Variants in RNF216 observed in about 807,000 individuals in gnomAD.
RNF216 encodes ring finger protein 216.
In RNF216, 72 loss-of-function variants were observed where a neutral mutation model predicts 110.8. The ratio of observed to expected loss-of-function variants is 0.65; its 90% CI spans 0.54 to 0.79. RNF216 has a LOEUF of 0.79. Ranked by LOEUF, RNF216 falls within the 30% of genes least tolerant of loss-of-function variation. The probability of loss-of-function intolerance (pLI) is 0.00; values close to 1 mark genes in which losing one functional copy is unlikely to be tolerated. For missense variants in RNF216, 1,342 were observed against 1,141.2 expected, an observed-to-expected ratio of 1.18 and a Z score of -2.54; for synonymous variants, 495 against 407.5, an observed-to-expected ratio of 1.21 and a Z score of -2.59.
intron 3 of RNF216, among the ~76,000 whole-genome samples, chr7:5,748,829 G>A (rs1189148821): frequency 6.6e-6 from 1 of 152,040 alleles, no homozygotes; most frequent in African/African-American, 2.4e-5. Context: ...ACTGCACAGG[G>A]GTTGGCACCC....
At chr7:5,700,438 T>C (rs570190309) in intron 13 of RNF216, among the ~76,000 whole-genome samples, 8 of 152,328 alleles carry the variant, frequency 5.3e-5, no homozygotes, top group South Asian at 4.1e-4. Flanking sequence ...ATTTCTAACA[T>C]GCATCTCTCC....
In RNF216 at chr7:5,623,073, C is replaced by T; in HGVS notation, c.2559G>A (p.Gln853=). 6.2e-7 allele frequency: 1 copy of T among 1,612,812 alleles called. No homozygotes were observed. The highest frequency in any genetic ancestry group is 1.3e-5 in the African/African-American group (1 of 75,040). ...GGTGCGCGAAGGCATAGGGTGGCAT[C>T]TGTGGCTGTGGCAGGTTCTGCGGAA... ...RPVPQNLPQP[Q]MPPYAFAHPP... The change falls in exon 17 of 17, where the codon CAG becomes CAA. Residue 853 remains glutamine (Q), a synonymous_variant. Coordinates refer to ENST00000389902, the MANE Select transcript of RNF216 (RefSeq NM_207111.4).
intron 13 of RNF216, among the ~76,000 whole-genome samples, chr7:5,677,169 T>C (rs1790351278): frequency 6.6e-6 from 1 of 152,240 alleles, no homozygotes. Flanking sequence ...TTAATTCTAA[T>C]TTGTCCAGGT....
At chr7:5,623,851 G>A (rs1249519003) in intron 16 of RNF216, among the ~76,000 whole-genome samples, 1 of 152,154 alleles carries the variant, frequency 6.6e-6, no homozygotes, top group Non-Finnish European at 1.5e-5. Flanking sequence ...TCAAGGAGAT[G>A]CCAAAACTAT....
chr7:5,682,853 T>C (rs1790748654), intron 13 of RNF216, among the ~76,000 whole-genome samples: 1 of 152,170 alleles, frequency 6.6e-6, no homozygotes, highest in South Asian at 2.1e-4. Flanking sequence ...GGATCTATTC[T>C]AAGGAATAAT....
At chr7:5,633,579 A>G (rs1399776342) in intron 15 of RNF216, among the ~76,000 whole-genome samples, 3 of 151,992 alleles carry the variant, frequency 2.0e-5, no homozygotes, top group African/African-American at 7.2e-5. Context: ...CCTCTCAAAC[A>G]AAACAAAACA....
intron 9 of RNF216, among the ~76,000 whole-genome samples, chr7:5,717,672 C>T (rs1793149161): frequency 6.6e-6 from 1 of 152,128 alleles, no homozygotes; most frequent in South Asian, 2.1e-4. Flanking sequence ...GGTATACCAG[C>T]CAGTTTCAAA....
intron 13 of RNF216, among the ~76,000 whole-genome samples, chr7:5,693,032 C>T (rs1791427835): frequency 6.6e-6 from 1 of 152,192 alleles, no homozygotes; most frequent in Non-Finnish European, 1.5e-5. Context: ...CTACGTCTTG[C>T]TTTTTTCACT....
intron 2 of RNF216, 41 bp from the exon 3 acceptor site, chr7:5,753,020 C>G: frequency 6.3e-7 from 1 of 1,579,470 alleles, no homozygotes. Flanking sequence ...GAGGTTGGCA[C>G]TATCACATCC....
intron 15 of RNF216, among the ~76,000 whole-genome samples, chr7:5,633,580 A>G (rs1315219170): frequency 3.3e-5 from 5 of 151,986 alleles, no homozygotes; most frequent in Non-Finnish European, 7.4e-5. Flanking sequence ...CTCTCAAACA[A>G]AACAAAACAA....
At chr7:5,727,892 T>C (rs986774379) in intron 7 of RNF216, among the ~76,000 whole-genome samples, 4 of 151,616 alleles carry the variant, frequency 2.6e-5, no homozygotes, top group African/African-American at 9.7e-5. Flanking sequence ...GGTGAGATTT[T>C]CCATATGCTG....
At chr7:5,679,489 G>C (rs1365472748) in intron 13 of RNF216, among the ~76,000 whole-genome samples, 2 of 152,236 alleles carry the variant, frequency 1.3e-5, no homozygotes, top group Non-Finnish European at 2.9e-5. Flanking sequence ...GTGAGTCTGG[G>C]GGAATGCGGT....
intron 5 of RNF216, among the ~76,000 whole-genome samples, chr7:5,738,230 A>T (rs983691067): frequency 1.2e-4 from 18 of 152,016 alleles, no homozygotes; most frequent in South Asian, 2.1e-4. Flanking sequence ...CTTATAAAAA[A>T]TTTTTTTAAA....
In RNF216 at chr7:5,620,748, T is replaced by C. The variant is rs1454209720; in HGVS notation, c.*2112A>G. The C allele has an allele frequency of 6.6e-6, 1 of 152,536 alleles. No individual in the cohort carries two copies. Among genetic ancestry groups the C allele is most frequent in the Non-Finnish European group, 1.5e-5 (1 of 68,294 alleles). The allele number at this position is 152,536 out of a possible 1,614,324, so 9.4% of individuals were successfully genotyped here. A position where few individuals can be genotyped will look rare whatever the true frequency, so the allele number is the denominator to read the frequency against. On this transcript the variant is annotated 3_prime_UTR_variant, in exon 17 of 17. Transcript: ENST00000389902. ...CTGCCAGGGTTGAGGCCAGCACCTG[T>C]CTAGGGCTGTTTCTGCAGCTGCTGC...
At chr7:5,760,479 G>C in intron 2 of RNF216, 1 of 376,070 alleles carries the variant, frequency 2.7e-6, no homozygotes, top group Admixed American at 2.9e-5. Flanking sequence ...TTACGCCATT[G>C]CACTCTGGCC....
chr7:5,746,076 C>A (rs969692607), intron 3 of RNF216, among the ~76,000 whole-genome samples: 2 of 152,170 alleles, frequency 1.3e-5, no homozygotes, highest in African/African-American at 4.8e-5. Flanking sequence ...TGAGGTAACT[C>A]AAGGAACACA....
At chr7:5,708,518 ACAAT>A (rs1026765274) in intron 13 of RNF216, among the ~76,000 whole-genome samples, 2 of 152,226 alleles carry the variant, frequency 1.3e-5, no homozygotes, top group Admixed American at 6.5e-5. Flanking sequence ...AAGTACCCAT[ACAAT>A]CATTCTCTTT....
At chr7:5,646,983 GTAGTC>G in intron 14 of RNF216, among the ~76,000 whole-genome samples, 1 of 152,160 alleles carries the variant, frequency 6.6e-6, no homozygotes, top group Non-Finnish European at 1.5e-5. Context: ...AGACATGTAC[GTAGTC>G]TTCTAGATCT....
chr7:5,776,255 G>C (rs947835902), intron 1 of RNF216, among the ~76,000 whole-genome samples: 1 of 152,018 alleles, frequency 6.6e-6, no homozygotes, highest in African/African-American at 2.4e-5. Flanking sequence ...AGAACTCAGA[G>C]TCCCATCAAT....
Sources: allele counts gnomAD v4.1 joint callset (sites outside exome capture counted in the v4.1 genomes callset), GRCh38; gene constraint gnomAD v4.1.1; transcripts MANE v1.5; gene names NCBI Gene and HGNC (gene_info 2026-07-23, HGNC 2026-07-21).